DYNLL2: variants seen among roughly 807,000 people sequenced by gnomAD.
DYNLL2 encodes the protein dynein light chain LC8-type 2, also known as dynein light chain 2, cytoplasmic.
DYNLL2 carries 1 observed loss-of-function variant against 9.7 expected under a neutral mutation model. That is an observed-to-expected ratio of 0.10 (90% CI 0.04 to 0.49). The LOEUF is 0.49. Ranked by LOEUF, DYNLL2 falls within the 20% of genes least tolerant of loss-of-function variation. The pLI is 0.95. For synonymous variants in DYNLL2, 35 were observed against 40.5 expected, an observed-to-expected ratio of 0.86 and a Z score of 0.52; for missense variants, 37 against 115.2, an observed-to-expected ratio of 0.32 and a Z score of 3.11.
chr17:58,087,893 C>G (rs1297784607), intron 2 of DYNLL2, among the ~76,000 whole-genome samples: 6 of 152,176 alleles, frequency 3.9e-5, no homozygotes, highest in African/African-American at 9.7e-5. Flanking sequence ...CCCCCTGATT[C>G]CCAGTCAGGA....
At chr17:58,085,666 G>A (rs1428598136) in intron 1 of DYNLL2, among the ~76,000 whole-genome samples, 2 of 152,176 alleles carry the variant, frequency 1.3e-5, no homozygotes, top group African/African-American at 2.4e-5. Context: ...AAGGGTCCAT[G>A]CAGGGTCTGC....
rs1598090491 is a variant in DYNLL2 at position 58,093,932 on chromosome 17, G to A, written c.*4653G>A. 6.6e-6 allele frequency: 1 copy of A among 152,282 alleles called. No homozygotes were observed. The highest frequency in any genetic ancestry group is 1.5e-5 in the Non-Finnish European group (1 of 68,034). The allele number at this position is 152,282 out of a possible 1,614,324, so 9.4% of individuals were successfully genotyped here. ...ATGTGGGCTTGGTGTCCACATCAATGTGCGTGAATACTCCTACCCACAGAC... is the reference window on the plus strand; with the variant it reads ...ATGTGGGCTTGGTGTCCACATCAATATGCGTGAATACTCCTACCCACAGAC... On this transcript the variant is annotated 3_prime_UTR_variant, in exon 3 of 3. Coordinates refer to ENST00000579991, the MANE Select transcript of DYNLL2 (RefSeq NM_080677.3).
intron 1 of DYNLL2, among the ~76,000 whole-genome samples, chr17:58,084,561 C>T (rs1259696826): frequency 6.6e-6 from 1 of 152,152 alleles, no homozygotes; most frequent in Non-Finnish European, 1.5e-5. Context: ...GGACACCTTC[C>T]TGTGCTTTGC....
intron 2 of DYNLL2, among the ~76,000 whole-genome samples, chr17:58,087,706 TTC>T: frequency 6.6e-6 from 1 of 152,312 alleles, no homozygotes; most frequent in Middle Eastern, 3.4e-3. Flanking sequence ...CATCACCCCT[TTC>T]TGTCTACATT....
intron 2 of DYNLL2, 106 bp downstream of exon 2, chr17:58,087,328 T>C (rs2075763773): frequency 5.4e-6 from 8 of 1,479,836 alleles, no homozygotes; most frequent in Non-Finnish European, 7.3e-6. Context: ...GTATATCCTG[T>C]GCAAGCAAAA....
chr17:58,088,079 G>C (rs1314027416), intron 2 of DYNLL2, among the ~76,000 whole-genome samples: 1 of 105,054 alleles, frequency 9.5e-6, no homozygotes, highest in African/African-American at 3.9e-5. Context: ...AGAACTCCTG[G>C]AGTCCTGAGG....
Position 58,090,130 on chromosome 17 carries a change from T to C in DYNLL2, c.*851T>C. The C allele has an allele frequency of 2.6e-6, 1 of 388,162 alleles. No individual in the cohort carries two copies. Among genetic ancestry groups the C allele is most frequent in the Non-Finnish European group, 4.5e-6 (1 of 219,998 alleles). The allele number at this position is 388,162 out of a possible 1,614,324, so 24.0% of individuals were successfully genotyped here. ...TCTTAGAGCAGCCCCTGTTGTTAGT[T>C]GGCTGGCAAGGGAATTTCTGGTGAC... On this transcript the variant is annotated 3_prime_UTR_variant, in exon 3 of 3. Coordinates refer to ENST00000579991, the MANE Select transcript of DYNLL2 (RefSeq NM_080677.3).
In DYNLL2 at chr17:58,084,291, T is replaced by A. The variant is rs139872770; in HGVS notation, c.-10+608T>A. Among the ~76,000 whole-genome samples, 516 of 152,078 alleles carry A rather than the reference T, an allele frequency of 3.4e-3. 3 individuals carry two copies. Among genetic ancestry groups the A allele is most frequent in the South Asian group, 0.011 (54 of 4,828 alleles). ...GGATAGTGGAGGGATACGGCCCACTTGGAGAGCCCGAAGAGGGAAGTAGAA... is the reference window on the plus strand; with the variant it reads ...GGATAGTGGAGGGATACGGCCCACTAGGAGAGCCCGAAGAGGGAAGTAGAA... On this transcript the variant is annotated intron_variant, in intron 1 of 2. Coordinates refer to ENST00000579991, the MANE Select transcript of DYNLL2 (RefSeq NM_080677.3).
At chr17:58,084,670 A>G (rs917658313) in intron 1 of DYNLL2, among the ~76,000 whole-genome samples, 1 of 152,220 alleles carries the variant, frequency 6.6e-6, no homozygotes, top group Non-Finnish European at 1.5e-5. Context: ...ATGTAACCGC[A>G]GGCTCTTTCC....
chr17:58,091,927 CAG>C lies in DYNLL2; in HGVS notation c.*2651_*2652del, dbSNP rs1191991369. The C allele has an allele frequency of 1.3e-5, 2 of 152,168 alleles. No homozygotes were observed. The highest frequency in any genetic ancestry group is 2.9e-5 in the Non-Finnish European group (2 of 68,050). 9.4% of individuals were successfully genotyped at this position (152,168 alleles called of 1,614,324 possible). On this transcript the variant is annotated 3_prime_UTR_variant, in exon 3 of 3. Transcript: ENST00000579991. ...ATGCTTGGGCCTAGGATGCTGTTCA[CAG>C]AGGAGAATGAGACAAGTAAGTTCTA...
chr17:58,085,030 G>T (rs1180887687), intron 1 of DYNLL2, among the ~76,000 whole-genome samples: 1 of 152,136 alleles, frequency 6.6e-6, no homozygotes, highest in African/African-American at 2.4e-5. Flanking sequence ...ATGTTGATTT[G>T]CCCAAGGTCA....
intron 1 of DYNLL2, among the ~76,000 whole-genome samples, chr17:58,084,809 C>G (rs1010669822): frequency 1.3e-5 from 2 of 152,030 alleles, no homozygotes; most frequent in African/African-American, 2.4e-5. Flanking sequence ...GCTGTCTAAC[C>G]AGGCCCCACC....
chr17:58,087,054 C>T, intron 1 of DYNLL2, 28 bp from the exon 2 acceptor site: 1 of 1,609,450 alleles, frequency 6.2e-7, no homozygotes, highest in Non-Finnish European at 8.5e-7. Context: ...AAGGAGTTGT[C>T]AGCCTTACCT....
In DYNLL2 at chr17:58,094,611, C is replaced by G. The variant is rs2075791738; in HGVS notation, c.*5332C>G. ...TTTTTACTAGGTTCTGAGCCCTGTA[C>G]TGAACTCTGGATTGCCCTGTACTTG... On this transcript the variant is annotated 3_prime_UTR_variant, in exon 3 of 3. Coordinates refer to ENST00000579991, the MANE Select transcript of DYNLL2 (RefSeq NM_080677.3). The G allele has an allele frequency of 6.6e-6, 1 of 152,224 alleles. No homozygotes were observed. The highest frequency in any genetic ancestry group is 1.5e-5 in the Non-Finnish European group (1 of 68,048). 9.4% of individuals were successfully genotyped at this position (152,224 alleles called of 1,614,324 possible).
chr17:58,084,720 C>T (rs1196740698), intron 1 of DYNLL2, among the ~76,000 whole-genome samples: 14 of 152,100 alleles, frequency 9.2e-5, no homozygotes, highest in Admixed American at 8.5e-4. Flanking sequence ...AACAAAGTTG[C>T]TCCTTTGGAC....
rs537706036 is a variant in DYNLL2 at position 58,083,437 on chromosome 17, A to C, written c.-256A>C. ...CGCGCTCAGCGGCAGAGCGGAGCGG[A>C]GCTGTGAGGCGCCAGTGCGGAGCGG... On this transcript the variant is annotated 5_prime_UTR_variant, in exon 1 of 3. Coordinates refer to ENST00000579991, the MANE Select transcript of DYNLL2 (RefSeq NM_080677.3). The C allele has an allele frequency of 1.2e-5, 1 of 84,070 alleles. No individual in the cohort carries two copies. The highest frequency in any genetic ancestry group is 2.4e-5 in the Non-Finnish European group (1 of 41,856). 5.2% of individuals were successfully genotyped at this position (84,070 alleles called of 1,614,324 possible).
chr17:58,089,484 T>C lies in DYNLL2; in HGVS notation c.*205T>C. On this transcript the variant is annotated 3_prime_UTR_variant, in exon 3 of 3. Coordinates refer to ENST00000579991, the MANE Select transcript of DYNLL2 (RefSeq NM_080677.3). ...TAGTTGCCTGGGGGAAGAAGGCTGC[T>C]TTATGTTTATTTTTCAAGACTTTAA... 1.8e-6 allele frequency: 1 copy of C among 571,350 alleles called. No homozygotes were observed. Among genetic ancestry groups the C allele is most frequent in the South Asian group, 3.4e-5 (1 of 29,410 alleles). 35.4% of individuals were successfully genotyped at this position (571,350 alleles called of 1,614,324 possible). A position where few individuals can be genotyped will look rare whatever the true frequency, so the allele number is the denominator to read the frequency against.
At position 58,091,578 on chromosome 17, in the gene DYNLL2, T is replaced by C. The variant is rs950311260; in HGVS notation, c.*2299T>C. On this transcript the variant is annotated 3_prime_UTR_variant, in exon 3 of 3. Coordinates refer to ENST00000579991, the MANE Select transcript of DYNLL2 (RefSeq NM_080677.3). The stretch of plus-strand genomic sequence containing the variant: ...TGCTGCTTCAACTTTTGCCCAAAGC[T>C]CTTATCTTTCATACTCCTCCCTTCT... 5.9e-5 allele frequency: 9 copies of C among 152,176 alleles called. No individual in the cohort carries two copies. Among genetic ancestry groups the C allele is most frequent in the African/African-American group, 2.2e-4 (9 of 41,432 alleles). The allele number at this position is 152,176 out of a possible 1,614,324, so 9.4% of individuals were successfully genotyped here. A position where few individuals can be genotyped will look rare whatever the true frequency, so the allele number is the denominator to read the frequency against.
chr17:58,089,872 T>C lies in DYNLL2; in HGVS notation c.*593T>C, dbSNP rs2075773942. 5.0e-6 allele frequency: 2 copies of C among 398,718 alleles called. No individual in the cohort carries two copies. The highest frequency in any genetic ancestry group is 8.8e-6 in the Non-Finnish European group (2 of 226,270). 24.7% of individuals were successfully genotyped at this position (398,718 alleles called of 1,614,324 possible). On this transcript the variant is annotated 3_prime_UTR_variant, in exon 3 of 3. Transcript: ENST00000579991. ...GTGGGGATGCCTTCTTTAGGGGCCC[T>C]GAGATGTGTTTGTCTGTGGTGTGTG...
Sources: gnomAD v4.1 joint callset for allele counts (sites outside exome capture counted in the v4.1 genomes callset) on GRCh38, gnomAD v4.1.1 for gene constraint, MANE v1.5 for transcripts, NCBI Gene and HGNC (gene_info 2026-07-23, HGNC 2026-07-21) for gene names.